Variants in CPQ observed in about 807,000 individuals in gnomAD.
The protein encoded by CPQ is carboxypeptidase Q.
A neutral mutation model predicts 45.7 loss-of-function variants in CPQ; 37 were observed. The ratio of observed to expected loss-of-function variants is 0.81; its 90% confidence interval spans 0.62 to 1.07. CPQ has a LOEUF of 1.07. Among genes scored for constraint, CPQ ranks in the 50% least tolerant of loss-of-function variants. The pLI, the probability that CPQ is intolerant of heterozygous loss-of-function variation, is 0.00. For missense variants in CPQ, 537 were observed against 572.9 expected (o/e 0.94, Z 0.64); for synonymous variants, 186 against 205.8 (o/e 0.90, Z 0.82).
intron 2 of CPQ, among the ~76,000 whole-genome samples, chr8:96,809,075 G>T (rs1407651721): frequency 1.3e-5 from 2 of 152,144 alleles, no homozygotes; most frequent in Non-Finnish European, 2.9e-5. Context: ...AGTTTGAGAA[G>T]TGCTTTGAGC....
intron 7 of CPQ, among the ~76,000 whole-genome samples, chr8:97,101,250 A>G (rs1389570783): frequency 6.6e-6 from 1 of 152,142 alleles, no homozygotes; most frequent in Non-Finnish European, 1.5e-5. Context: ...TGGTTCTCAC[A>G]TTAAAAAAAC....
intron 1 of CPQ, among the ~76,000 whole-genome samples, chr8:96,671,611 G>T (rs1390768504): frequency 6.6e-6 from 1 of 152,120 alleles, no homozygotes; most frequent in Non-Finnish European, 1.5e-5. Flanking sequence ...GAGGTTTATT[G>T]TAATACATTA....
chr8:96,669,801 A>G (rs1313159741), intron 1 of CPQ, among the ~76,000 whole-genome samples: 1 of 152,178 alleles, frequency 6.6e-6, no homozygotes, highest in Non-Finnish European at 1.5e-5. Flanking sequence ...AGAAAAACAT[A>G]TGTAATTGAT....
chr8:97,097,567 T>A (rs1481146804), intron 7 of CPQ, among the ~76,000 whole-genome samples: 2 of 152,184 alleles, frequency 1.3e-5, no homozygotes, highest in Non-Finnish European at 2.9e-5. Flanking sequence ...GTCGTGTAAG[T>A]AATGCTGGCA....
intron 6 of CPQ, among the ~76,000 whole-genome samples, chr8:97,040,047 G>A (rs552087346): frequency 0.019 from 2,796 of 151,064 alleles, 68 homozygotes; most frequent in African/African-American, 0.065. Flanking sequence ...AGATCCCTGA[G>A]GAATCGCCAC....
chr8:97,140,470 A>G (rs983060829), intron 7 of CPQ, among the ~76,000 whole-genome samples: 3 of 152,020 alleles, frequency 2.0e-5, no homozygotes, highest in South Asian at 4.1e-4. Context: ...GAAAATTTAC[A>G]ATAGCAACAA....
intron 5 of CPQ, among the ~76,000 whole-genome samples, chr8:96,977,321 A>G (rs1586476797): frequency 8.6e-6 from 1 of 116,268 alleles, no homozygotes; most frequent in South Asian, 2.8e-4. Context: ...GAATATCCGT[A>G]ATCAAAAAAA....
chr8:96,901,433 T>C (rs1296707490), intron 4 of CPQ, among the ~76,000 whole-genome samples: 4 of 152,202 alleles, frequency 2.6e-5, no homozygotes, highest in South Asian at 2.1e-4. Context: ...AATGTATGAC[T>C]TCAAGTCTTC....
At chr8:96,792,742 G>C (rs765865536) in intron 2 of CPQ, among the ~76,000 whole-genome samples, 1 of 152,010 alleles carries the variant, frequency 6.6e-6, no homozygotes, top group Non-Finnish European at 1.5e-5. Flanking sequence ...TTTCCTTGGG[G>C]TATTATTCAC....
chr8:96,843,510 A>G (rs983186398), intron 3 of CPQ, among the ~76,000 whole-genome samples: 1 of 152,200 alleles, frequency 6.6e-6, no homozygotes, highest in African/African-American at 2.4e-5. Flanking sequence ...ACCCTATGCC[A>G]TTTAGATCTC....
chr8:96,871,540 T>G (rs913167866), intron 3 of CPQ, among the ~76,000 whole-genome samples: 2 of 150,160 alleles, frequency 1.3e-5, no homozygotes, highest in Admixed American at 6.6e-5. Context: ...GGTTTTTTTT[T>G]TTTTTTTTTT....
At chr8:96,787,458 T>G (rs2130811109) in intron 2 of CPQ, among the ~76,000 whole-genome samples, 1 of 151,268 alleles carries the variant, frequency 6.6e-6, no homozygotes, top group Non-Finnish European at 1.5e-5. Context: ...TTTGGTGGTA[T>G]TTTGCTTAAT....
At chr8:97,068,724 C>G (rs994483799) in intron 7 of CPQ, among the ~76,000 whole-genome samples, 2 of 152,176 alleles carry the variant, frequency 1.3e-5, no homozygotes, top group African/African-American at 4.8e-5. Context: ...TTTGCAGACA[C>G]TGTTTTATCC....
At chr8:96,908,996 T>G (rs1349156009) in intron 4 of CPQ, among the ~76,000 whole-genome samples, 1 of 152,184 alleles carries the variant, frequency 6.6e-6, no homozygotes, top group Non-Finnish European at 1.5e-5. Flanking sequence ...TGGTCAGTGT[T>G]CCATCTTGGA....
intron 1 of CPQ, among the ~76,000 whole-genome samples, chr8:96,649,670 G>A (rs1056275211): frequency 3.9e-5 from 6 of 152,220 alleles, no homozygotes; most frequent in African/African-American, 1.4e-4. Flanking sequence ...TCTGGGTGGA[G>A]ATCCCAGGAT....
At chr8:96,840,295 G>C (rs1811589459) in intron 3 of CPQ, among the ~76,000 whole-genome samples, 1 of 152,192 alleles carries the variant, frequency 6.6e-6, no homozygotes, top group Admixed American at 6.5e-5. Context: ...ATTCTGGGGT[G>C]AGAGGAAGAG....
intron 3 of CPQ, among the ~76,000 whole-genome samples, chr8:96,877,936 A>G (rs938520117): frequency 1.3e-5 from 2 of 152,086 alleles, no homozygotes; most frequent in Non-Finnish European, 2.9e-5. Flanking sequence ...CTTTTGATGA[A>G]TAATAAAATT....
chr8:96,663,661 G>T (rs938787364), intron 1 of CPQ, among the ~76,000 whole-genome samples: 1 of 152,224 alleles, frequency 6.6e-6, no homozygotes, highest in African/African-American at 2.4e-5. Flanking sequence ...ATAGAGAAAA[G>T]AGCAGTGCTG....
intron 7 of CPQ, among the ~76,000 whole-genome samples, chr8:97,088,942 CTATTTTT>C (rs919665325): frequency 4.6e-5 from 7 of 152,088 alleles, no homozygotes. Context: ...GGTGACCCTT[CTATTTTT>C]AAGACAATTA....
Sources: gnomAD v4.1 joint callset for allele counts (sites outside exome capture counted in the v4.1 genomes callset) on GRCh38, gnomAD v4.1.1 for gene constraint, MANE v1.5 for transcripts, NCBI Gene and HGNC (gene_info 2026-07-23, HGNC 2026-07-21) for gene names.